EML5: variants seen among roughly 807,000 people sequenced by gnomAD.
EML5 encodes the protein echinoderm microtubule-associated protein-like 5.
Under a neutral mutation model 250.0 loss-of-function variants are expected in EML5, and 120 were observed. The ratio of observed to expected loss-of-function variants is 0.48; its 90% CI spans 0.41 to 0.56. EML5 has a LOEUF of 0.56. Among genes scored for constraint, EML5 ranks in the 20% least tolerant of loss-of-function variants. EML5 has a pLI of 0.00. For missense variants in EML5, 2,006 were observed against 2,437.6 expected, an observed-to-expected ratio of 0.82 and a Z score of 3.73; for synonymous variants, 771 against 806.5, an observed-to-expected ratio of 0.96 and a Z score of 0.75.
intron 20 of EML5, among the ~76,000 whole-genome samples, chr14:88,682,850 C>G (rs1057460953): frequency 3.3e-5 from 5 of 152,172 alleles, no homozygotes; most frequent in African/African-American, 1.2e-4. Flanking sequence ...ACTACTGTCC[C>G]CTCTCCCCTT....
At chr14:88,626,788 G>T in intron 35 of EML5, 50 bp downstream of exon 35, 1 of 1,579,918 alleles carries the variant, frequency 6.3e-7, no homozygotes, top group South Asian at 1.1e-5. Flanking sequence ...TCTAAGGCAA[G>T]AGAATGTAAA....
intron 36 of EML5, 87 bp from the exon 37 acceptor site, chr14:88,622,805 CT>C (rs11382327): frequency 4.5e-5 from 23 of 514,002 alleles, no homozygotes; most frequent in African/African-American, 7.9e-5. Flanking sequence ...TAAGCAGAAT[CT>C]TTTTTTTTTA....
intron 14 of EML5, among the ~76,000 whole-genome samples, chr14:88,698,014 G>A (rs2093120177): frequency 6.6e-6 from 1 of 152,110 alleles, no homozygotes; most frequent in Non-Finnish European, 1.5e-5. Context: ...TGGGATTACA[G>A]GTGTGAGCTA....
At chr14:88,768,417 C>CT (rs57996765) in intron 1 of EML5, among the ~76,000 whole-genome samples, 35,563 of 148,128 alleles carry the variant, frequency 0.24, 4,317 homozygotes, top group East Asian at 0.37. Flanking sequence ...ATGTGATTGT[C>CT]TTTTTTTTTT....
At chr14:88,791,399 G>A (rs1248608391) in intron 1 of EML5, among the ~76,000 whole-genome samples, 1 of 152,112 alleles carries the variant, frequency 6.6e-6, no homozygotes, top group Admixed American at 6.5e-5. Flanking sequence ...CCTCTGTAAA[G>A]GACAAAAAAT....
chr14:88,672,345 C>T (rs1229205348), intron 21 of EML5, among the ~76,000 whole-genome samples: 1 of 152,038 alleles, frequency 6.6e-6, no homozygotes, highest in Non-Finnish European at 1.5e-5. Flanking sequence ...TCCTTTGAAA[C>T]CAATAAGAAC....
chr14:88,733,959 TAACAAC>T (rs72177625), intron 7 of EML5, among the ~76,000 whole-genome samples: 5,524 of 150,528 alleles, frequency 0.037, 343 homozygotes, highest in African/African-American at 0.13. Context: ...ATATGAAAAA[TAACAAC>T]AACAACAACA....
chr14:88,771,570 A>C (rs1411666323), intron 1 of EML5, among the ~76,000 whole-genome samples: 1 of 152,182 alleles, frequency 6.6e-6, no homozygotes, highest in Non-Finnish European at 1.5e-5. Flanking sequence ...TCTGCTCCTC[A>C]TTCAAAGCAA....
intron 21 of EML5, among the ~76,000 whole-genome samples, chr14:88,680,767 C>T (rs1257923230): frequency 6.6e-6 from 1 of 151,896 alleles, no homozygotes; most frequent in East Asian, 1.9e-4. Context: ...AAAAAAAGTC[C>T]TCGATCCAGA....
intron 27 of EML5, among the ~76,000 whole-genome samples, chr14:88,654,326 G>A (rs1250654142): frequency 6.6e-6 from 1 of 152,044 alleles, no homozygotes; most frequent in Non-Finnish European, 1.5e-5. Flanking sequence ...ACTAGCTTTT[G>A]AATTTGTTTG....
At chr14:88,719,335 G>A (rs919667849) in intron 8 of EML5, among the ~76,000 whole-genome samples, 1 of 105,102 alleles carries the variant, frequency 9.5e-6, no homozygotes, top group Non-Finnish European at 2.0e-5. Context: ...GCAGTGAGCT[G>A]TGATTGTGCT....
intron 1 of EML5, among the ~76,000 whole-genome samples, chr14:88,782,045 A>G (rs2094502403): frequency 6.6e-6 from 1 of 152,200 alleles, no homozygotes; most frequent in South Asian, 2.1e-4. Context: ...AAAGACTTGG[A>G]GGGCTCCGAA....
At chr14:88,622,806 T>TG in intron 36 of EML5, 88 bp from the exon 37 acceptor site, 1 of 689,982 alleles carries the variant, frequency 1.4e-6, no homozygotes, top group Non-Finnish European at 1.9e-6. Context: ...AAGCAGAATC[T>TG]TTTTTTTTTA....
chr14:88,623,061 G>A (rs1412553424), intron 36 of EML5: 1 of 156,990 alleles, frequency 6.4e-6, no homozygotes, highest in African/African-American at 2.5e-5. Context: ...TGTCTCCCAG[G>A]CTTGAGTGCA....
At chr14:88,686,708 G>A (rs1037865367) in intron 19 of EML5, among the ~76,000 whole-genome samples, 1 of 152,118 alleles carries the variant, frequency 6.6e-6, no homozygotes, top group African/African-American at 2.4e-5. Context: ...CTACTCAGGA[G>A]GCTGAGGCAG....
chr14:88,705,370 A>G, intron 12 of EML5, 112 bp downstream of exon 12: 2 of 827,456 alleles, frequency 2.4e-6, no homozygotes, highest in South Asian at 3.1e-5. Context: ...ATATAGTCAT[A>G]CATTGCTTGA....
intron 1 of EML5, among the ~76,000 whole-genome samples, chr14:88,777,303 TA>T (rs879640957): frequency 4.6e-5 from 7 of 151,228 alleles, no homozygotes; most frequent in Non-Finnish European, 1.0e-4. Flanking sequence ...AGTTCTGAAG[TA>T]AAAAAAAATT....
At chr14:88,636,502 A>C (rs2090742231) in intron 32 of EML5, among the ~76,000 whole-genome samples, 1 of 152,188 alleles carries the variant, frequency 6.6e-6, no homozygotes, top group Non-Finnish European at 1.5e-5. Context: ...CTCTACTAAA[A>C]ATACAAAAAT....
intron 14 of EML5, among the ~76,000 whole-genome samples, chr14:88,697,554 C>G (rs536885243): frequency 2.7e-4 from 41 of 152,230 alleles, no homozygotes; most frequent in African/African-American, 8.4e-4. Flanking sequence ...TATTTTTTAA[C>G]TTGGTTTATG....
Sources: allele counts gnomAD v4.1 joint callset (sites outside exome capture counted in the v4.1 genomes callset), GRCh38; gene constraint gnomAD v4.1.1; transcripts MANE v1.5; gene names NCBI Gene and HGNC (gene_info 2026-07-23, HGNC 2026-07-21).